Variants in LTBP2 observed in about 807,000 individuals in gnomAD.
LTBP2 encodes the protein latent-transforming growth factor beta-binding protein 2.
LTBP2 carries 103 observed loss-of-function variants against 210.6 expected under a neutral mutation model. The ratio of observed to expected loss-of-function variants is 0.49; its 90% CI spans 0.42 to 0.58. The LOEUF (loss-of-function observed/expected upper bound fraction) is 0.58, where lower values mean the gene tolerates loss of function less well. LTBP2 is among the 20% of genes least tolerant of loss of function. The pLI is 0.00. For synonymous variants in LTBP2, 1,007 were observed against 1,015.0 expected (o/e 0.99, Z 0.15); for missense variants, 2,313 against 2,494.5 (o/e 0.93, Z 1.55).
rs759351792 is a variant in LTBP2, at chr14:74,528,677, G to A, written c.2174C>T (p.Pro725Leu). The change falls in exon 12 of 36, where the codon CCT becomes CTT. Residue 725 changes from proline to leucine, a missense_variant. Physicochemically the swap from Pro to Leu is moderately conservative, Grantham distance 98. Transcript: ENST00000261978. ...CGCGTAGGTGTAGCCGTGGCCGGCA[G>A]GGCAGATCTCTCTGAAGGCCTCTGC... ...PGTEAFREIC[P>L]AGHGYTYASS... 10 of 1,612,530 alleles carry A rather than the reference G, an allele frequency of 6.2e-6. No homozygotes were observed. Among genetic ancestry groups the A allele is most frequent in the African/African-American group, 4.0e-5 (3 of 74,956 alleles).
At chr14:74,560,411 A>G (rs1353936632) in intron 3 of LTBP2, among the ~76,000 whole-genome samples, 1 of 152,202 alleles carries the variant, frequency 6.6e-6, no homozygotes, top group African/African-American at 2.4e-5. Context: ...TTCAACCAAG[A>G]TGAGGAAAAA....
chr14:74,501,008 A>C lies in LTBP2; in HGVS notation c.5342T>G (p.Leu1781Trp). The change falls in exon 36 of 36, where the codon TTG becomes TGG. Residue 1781 changes from leucine (L) to tryptophan (W), a missense_variant. By Grantham distance (61) the Leu-to-Trp change is moderately conservative (BLOSUM62 -2). Transcript: ENST00000261978. ...GACACAGAGCACAGCAGGCCCGTTC[A>C]AGTCATCACACTCATTCACATCTAA... ...ACVDVNECDD[L>W]NGPAVLCVHG... 6.2e-7 allele frequency: 1 copy of C among 1,613,926 alleles called. No homozygotes were observed.
chr14:74,511,508 T>G, intron 18 of LTBP2, 144 bp from the exon 19 acceptor site: 1 of 1,038,618 alleles, frequency 9.6e-7, no homozygotes, highest in South Asian at 1.3e-5. Flanking sequence ...AGCTGCCCTG[T>G]GTTCCCAACT....
At chr14:74,513,578 G>C (rs144276564) in intron 18 of LTBP2, among the ~76,000 whole-genome samples, 1 of 152,180 alleles carries the variant, frequency 6.6e-6, no homozygotes, top group Non-Finnish European at 1.5e-5. Context: ...CAAGACAGGC[G>C]GATCATCTGA....
At chr14:74,524,322 C>A (rs2087243593) in intron 15 of LTBP2, among the ~76,000 whole-genome samples, 1 of 152,026 alleles carries the variant, frequency 6.6e-6, no homozygotes, top group South Asian at 2.1e-4. Flanking sequence ...AAGGCTGGAC[C>A]CCTACTCCCC....
At chr14:74,582,907 C>T (rs1310691510) in intron 3 of LTBP2, among the ~76,000 whole-genome samples, 1 of 152,226 alleles carries the variant, frequency 6.6e-6, no homozygotes, top group Non-Finnish European at 1.5e-5. Flanking sequence ...GTTCCTGTAA[C>T]CAGCCCTCTC....
At chr14:74,522,650 G>A in intron 16 of LTBP2, 140 bp downstream of exon 16, 1 of 1,014,488 alleles carries the variant, frequency 9.9e-7, no homozygotes, top group Non-Finnish European at 1.4e-6. Flanking sequence ...AGTCCACAGG[G>A]ACTGTGCTCC....
intron 2 of LTBP2, among the ~76,000 whole-genome samples, chr14:74,592,717 G>C (rs1043933240): frequency 7.2e-5 from 11 of 152,242 alleles, no homozygotes; most frequent in African/African-American, 2.4e-4. Context: ...AACCTAGTAT[G>C]GGTTATGTGG....
intron 15 of LTBP2, among the ~76,000 whole-genome samples, chr14:74,524,822 A>G (rs897221896): frequency 1.4e-4 from 21 of 152,068 alleles, no homozygotes; most frequent in Non-Finnish European, 2.5e-4. Flanking sequence ...CCCTTCCTTG[A>G]GAGGGACCCC....
chr14:74,602,612 A>G (rs2088463978), intron 2 of LTBP2, among the ~76,000 whole-genome samples: 2 of 152,192 alleles, frequency 1.3e-5, no homozygotes, highest in Admixed American at 1.3e-4. Flanking sequence ...CCCGCCACAG[A>G]GGATGTTTAA....
chr14:74,514,622 C>T (rs939498628), intron 18 of LTBP2, among the ~76,000 whole-genome samples: 4 of 152,128 alleles, frequency 2.6e-5, no homozygotes, highest in Non-Finnish European at 2.9e-5. Context: ...TATGGCTGGG[C>T]GACACCAAAG....
intron 1 of LTBP2, among the ~76,000 whole-genome samples, chr14:74,604,164 CAAA>C (rs59313477): frequency 8.2e-5 from 6 of 72,738 alleles, no homozygotes; most frequent in African/African-American, 1.5e-4. Context: ...TGCCTCTCAC[CAAA>C]AAAAAAAAAA....
At chr14:74,509,037 G>T (rs1294068379) in intron 22 of LTBP2, 85 bp from the exon 23 acceptor site, 1 of 1,593,952 alleles carries the variant, frequency 6.3e-7, no homozygotes, top group East Asian at 2.2e-5. Context: ...CAGAGGACCT[G>T]TCACCTGCCT....
At chr14:74,577,662 CCA>C (rs2088077578) in intron 3 of LTBP2, among the ~76,000 whole-genome samples, 1 of 152,052 alleles carries the variant, frequency 6.6e-6, no homozygotes, top group African/African-American at 2.4e-5. Flanking sequence ...ATGCCCACCA[CCA>C]TACCCAGCTA....
intron 5 of LTBP2, 50 bp from the exon 6 acceptor site, chr14:74,552,443 C>A: frequency 1.3e-6 from 2 of 1,540,864 alleles, no homozygotes; most frequent in East Asian, 2.3e-5. Flanking sequence ...CAGCAGCACC[C>A]GCTCTGTGGC....
At chr14:74,580,191 T>G (rs2088118060) in intron 3 of LTBP2, among the ~76,000 whole-genome samples, 1 of 152,110 alleles carries the variant, frequency 6.6e-6, no homozygotes, top group Non-Finnish European at 1.5e-5. Flanking sequence ...AGGGCCCCAC[T>G]ACAAAGGAAA....
intron 8 of LTBP2, among the ~76,000 whole-genome samples, chr14:74,543,706 G>T (rs578195176): frequency 6.6e-6 from 1 of 152,226 alleles, no homozygotes; most frequent in Admixed American, 6.5e-5. Context: ...TCTTCATGGG[G>T]TTATTATGAA....
intron 2 of LTBP2, among the ~76,000 whole-genome samples, chr14:74,590,078 T>C (rs2088261122): frequency 6.6e-6 from 1 of 152,138 alleles, no homozygotes. Context: ...GAAATGCAAA[T>C]TAAAACCACA....
chr14:74,504,743 T>C (rs2086959682), intron 30 of LTBP2, 35 bp downstream of exon 30: 1 of 1,604,926 alleles, frequency 6.2e-7, no homozygotes, highest in African/African-American at 1.3e-5. Context: ...CCCACTCAGG[T>C]GAAGGAGTTT....
Sources: gnomAD v4.1 joint callset for allele counts (sites outside exome capture counted in the v4.1 genomes callset) on GRCh38, gnomAD v4.1.1 for gene constraint, MANE v1.5 for transcripts, NCBI Gene and HGNC (gene_info 2026-07-23, HGNC 2026-07-21) for gene names.